CELF2: variants seen among roughly 807,000 people sequenced by gnomAD.
The protein encoded by CELF2 is CUGBP Elav-like family member 2, also known as CUG triplet repeat RNA-binding protein 2.
CELF2 carries 8 observed loss-of-function variants against 62.6 expected under a neutral mutation model. The ratio of observed to expected loss-of-function variants is 0.13; its 90% CI spans 0.07 to 0.23. CELF2 has a LOEUF of 0.23. Among genes scored for constraint, CELF2 ranks in the 10% least tolerant of loss-of-function variants. CELF2 has a pLI of 1.00. For synonymous variants in CELF2, 258 were observed against 250.0 expected (o/e 1.03, Z -0.30); for missense variants, 333 against 671.0 (o/e 0.50, Z 5.56).
chr10:10,635,201 C>G, the CELF2 span, among the ~76,000 whole-genome samples: 1 of 152,176 alleles, frequency 6.6e-6, no homozygotes, highest in East Asian at 1.9e-4. Context: ...GTTAGCACAT[C>G]ATTTGTCCAG....
the CELF2 span, among the ~76,000 whole-genome samples, chr10:10,481,560 A>G: frequency 1.3e-5 from 2 of 152,230 alleles, no homozygotes; most frequent in East Asian, 3.8e-4. Flanking sequence ...GGATTATTTT[A>G]GATTTGAAGA....
the CELF2 span, among the ~76,000 whole-genome samples, chr10:10,552,648 A>G: frequency 6.6e-6 from 1 of 152,228 alleles, no homozygotes; most frequent in Non-Finnish European, 1.5e-5. Flanking sequence ...CATAGTCTGC[A>G]TCACGGCTAG....
At chr10:10,801,434 A>G (rs2054652528) in intron 1 of CELF2, among the ~76,000 whole-genome samples, 1 of 152,242 alleles carries the variant, frequency 6.6e-6, no homozygotes, top group African/African-American at 2.4e-5. Flanking sequence ...GTCTCTGCCT[A>G]TAATATGTGG....
chr10:10,881,337 G>T (rs961165739), intron 1 of CELF2, among the ~76,000 whole-genome samples: 40 of 152,150 alleles, frequency 2.6e-4, no homozygotes, highest in African/African-American at 9.2e-4. Context: ...ATCTGGCTGC[G>T]TACAGAATTC....
chr10:10,504,847 T>A, the CELF2 span, among the ~76,000 whole-genome samples: 1 of 152,174 alleles, frequency 6.6e-6, no homozygotes, highest in African/African-American at 2.4e-5. Flanking sequence ...TTTATTTTGG[T>A]TATCATATTT....
In CELF2 at chr10:11,098,574, C is replaced by T. The variant is rs1190003371; in HGVS notation, c.75-66912C>T. 2.0e-5 allele frequency: 3 copies of T among 152,220 alleles called. No homozygotes were observed. Among genetic ancestry groups the T allele is most frequent in the Admixed American group, 2.0e-4 (3 of 15,284 alleles). The allele number at this position is 152,220 out of a possible 1,614,324, so 9.4% of individuals were successfully genotyped here. ...AAAAAGAGATAACAGACACTGAAATCATCACATATTCCTTTAGAAAGGCAC... is the reference window on the plus strand; with the variant it reads ...AAAAAGAGATAACAGACACTGAAATTATCACATATTCCTTTAGAAAGGCAC... On this transcript the variant is annotated intron_variant, in intron 1 of 12. Transcript: ENST00000633077. The surrounding 1 kb of genome is among the most constrained non-coding windows in gnomAD (Gnocchi z 4.0).
At chr10:10,839,569 T>C (rs1439973593) in intron 1 of CELF2, among the ~76,000 whole-genome samples, 2 of 152,252 alleles carry the variant, frequency 1.3e-5, no homozygotes, top group Non-Finnish European at 2.9e-5. Flanking sequence ...CCCTTGGCCT[T>C]ACATATTTCA....
chr10:11,196,149 C>G (rs909276791), intron 2 of CELF2, among the ~76,000 whole-genome samples: 4 of 152,106 alleles, frequency 2.6e-5, no homozygotes, highest in Non-Finnish European at 5.9e-5. Context: ...ATATAAATCC[C>G]TGAATATGTA....
chr10:11,165,354 G>C lies in CELF2; in HGVS notation c.75-132G>C. ...TTGTTTTAGTTCATCAAATTTCTACGACTCATTAGGCACTTTGCCACTGCT... is the reference window on the plus strand; with the variant it reads ...TTGTTTTAGTTCATCAAATTTCTACCACTCATTAGGCACTTTGCCACTGCT... On this transcript the variant is annotated intron_variant, in intron 1 of 12. Transcript: ENST00000633077. The surrounding 1 kb of genome is among the most constrained non-coding windows in gnomAD (Gnocchi z 7.4). 1 of 1,481,294 alleles carries C rather than the reference G, an allele frequency of 6.8e-7. No homozygotes were observed. The highest frequency in any genetic ancestry group is 8.9e-7 in the Non-Finnish European group (1 of 1,120,438). 91.8% of individuals were successfully genotyped at this position (1,481,294 alleles called of 1,614,324 possible). A position where few individuals can be genotyped will look rare whatever the true frequency, so the allele number is the denominator to read the frequency against.
chr10:10,941,195 T>C (rs564606663), intron 2 of CELF2, among the ~76,000 whole-genome samples: 75 of 152,326 alleles, frequency 4.9e-4, no homozygotes, highest in Middle Eastern at 3.4e-3. Context: ...CAATGATTAC[T>C]TTCTCTTTTT....
intron 1 of CELF2, among the ~76,000 whole-genome samples, chr10:10,867,317 T>C (rs967982516): frequency 2.6e-5 from 4 of 152,210 alleles, no homozygotes; most frequent in African/African-American, 9.6e-5. Flanking sequence ...CACCCTCCAT[T>C]GTGAACCATC....
At chr10:11,181,175 A>G (rs1444120995) in intron 2 of CELF2, among the ~76,000 whole-genome samples, 1 of 152,190 alleles carries the variant, frequency 6.6e-6, no homozygotes, top group African/African-American at 2.4e-5. Flanking sequence ...TGGCCCAGAC[A>G]TGGAATTTAA....
At chr10:10,725,341 TC>T in the CELF2 span, among the ~76,000 whole-genome samples, 4 of 152,172 alleles carry the variant, frequency 2.6e-5, no homozygotes, top group Admixed American at 1.3e-4. Flanking sequence ...ACAAACTGAA[TC>T]CAAGTGGTCG....
chr10:10,528,025 AC>A, the CELF2 span, among the ~76,000 whole-genome samples: 3 of 152,164 alleles, frequency 2.0e-5, no homozygotes, highest in African/African-American at 4.8e-5. Flanking sequence ...CAGTTAAATG[AC>A]CTACCCTCAG....
the CELF2 span, among the ~76,000 whole-genome samples, chr10:10,524,800 T>C: frequency 1.3e-5 from 2 of 152,206 alleles, no homozygotes; most frequent in Non-Finnish European, 2.9e-5. Context: ...AATGAGTTTT[T>C]GTTTAGAAAT....
At chr10:10,562,093 A>C in the CELF2 span, among the ~76,000 whole-genome samples, 7 of 152,178 alleles carry the variant, frequency 4.6e-5, no homozygotes. Flanking sequence ...GTTGCCTAGA[A>C]TTCCCTTGAG....
chr10:10,815,552 TTTA>T (rs2056375423), intron 1 of CELF2, among the ~76,000 whole-genome samples: 1 of 152,222 alleles, frequency 6.6e-6, no homozygotes, highest in Non-Finnish European at 1.5e-5. Context: ...TGGTTTTCCA[TTTA>T]TTGAACATAT....
intron 1 of CELF2, among the ~76,000 whole-genome samples, chr10:10,812,488 A>G (rs2056017728): frequency 6.6e-6 from 1 of 152,116 alleles, no homozygotes; most frequent in Non-Finnish European, 1.5e-5. Flanking sequence ...TGAGAGATCA[A>G]TTTCTTGATG....
chr10:10,750,054 C>A, the CELF2 span, among the ~76,000 whole-genome samples: 1 of 152,122 alleles, frequency 6.6e-6, no homozygotes, highest in Non-Finnish European at 1.5e-5. Flanking sequence ...GAGGCCAAGG[C>A]GGGTGGATCA....
Sources: allele counts gnomAD v4.1 joint callset (sites outside exome capture counted in the v4.1 genomes callset), GRCh38; gene constraint gnomAD v4.1.1; non-coding constraint Gnocchi (gnomAD v3.1); transcripts MANE v1.5; gene names NCBI Gene and HGNC (gene_info 2026-07-23, HGNC 2026-07-21).